The following PCNX1 variants were observed in gnomAD, a reference collection of about 807,000 sequenced individuals.
PCNX1 encodes the protein pecanex 1.
PCNX1 carries 78 observed loss-of-function variants against 242.2 expected under a neutral mutation model. The ratio of observed to expected loss-of-function variants is 0.32; its 90% confidence interval spans 0.27 to 0.39. PCNX1 has a LOEUF of 0.39. PCNX1 is among the 10% of genes least tolerant of loss of function. PCNX1 has a pLI of 1.00. For missense variants in PCNX1, 2,581 were observed against 2,856.5 expected, an observed-to-expected ratio of 0.90 and a Z score of 2.20; for synonymous variants, 1,024 against 1,032.9, an observed-to-expected ratio of 0.99 and a Z score of 0.17.
At position 71,051,887 on chromosome 14, in the gene PCNX1, A is replaced by G; in HGVS notation, c.4452A>G (p.Ser1484=). Residue 1484 remains serine, a synonymous_variant, in exon 24 of 36, where the codon TCA becomes TCG. Coordinates refer to ENST00000304743, the MANE Select transcript of PCNX1 (RefSeq NM_014982.3). ...AFAQPFAVPH[S]AMLFIQAAVS... The stretch of plus-strand genomic sequence containing the variant: ...CCTTAACTAGTTTTCCCATAGATTC[A>G]GCCATGCTGTTTATTCAGGCTGCTG... 4.3e-6 allele frequency: 7 copies of G among 1,611,770 alleles called. No homozygotes were observed. The highest frequency in any genetic ancestry group is 5.9e-6 in the Non-Finnish European group (7 of 1,179,258).
At chr14:71,067,248 C>G (rs1346783604) in intron 26 of PCNX1, among the ~76,000 whole-genome samples, 1 of 151,874 alleles carries the variant, frequency 6.6e-6, no homozygotes, top group Non-Finnish European at 1.5e-5. Context: ...GTCCTGGACT[C>G]TCTTTGGTTG....
chr14:70,994,833 G>A (rs1368728446), intron 7 of PCNX1, among the ~76,000 whole-genome samples: 5 of 151,510 alleles, frequency 3.3e-5, no homozygotes, highest in South Asian at 2.1e-4. Context: ...AGTTAATATA[G>A]TCTCTTAATT....
At chr14:70,927,434 C>T (rs2056632322) in intron 1 of PCNX1, among the ~76,000 whole-genome samples, 1 of 152,034 alleles carries the variant, frequency 6.6e-6, no homozygotes, top group Non-Finnish European at 1.5e-5. Flanking sequence ...ATACAGCATG[C>T]AATAGTATCA....
In PCNX1 at chr14:70,907,918, A is replaced by G. The variant is rs1432239467; in HGVS notation, c.68A>G (p.Tyr23Cys). The change falls in exon 1 of 36, where the codon TAC becomes TGC. Residue 23 changes from tyrosine to cysteine, a missense_variant. By Grantham distance (194) the Tyr-to-Cys change is radical (BLOSUM62 -2). Coordinates refer to ENST00000304743, the MANE Select transcript of PCNX1 (RefSeq NM_014982.3). ...VWAALSGGWY[Y>C]DPHQATFVNA... ...GCCGCGCTCAGCGGGGGCTGGTACTACGACCCGCACCAGGCCACCTTCGTG... is the reference window on the plus strand; with the variant it reads ...GCCGCGCTCAGCGGGGGCTGGTACTGCGACCCGCACCAGGCCACCTTCGTG... 6 of 1,590,480 alleles carry G rather than the reference A, an allele frequency of 3.8e-6. No homozygotes were observed. Among genetic ancestry groups the G allele is most frequent in the South Asian group, 1.1e-5 (1 of 88,400 alleles).
At chr14:70,932,123 A>G (rs1594930078) in intron 1 of PCNX1, among the ~76,000 whole-genome samples, 1 of 152,242 alleles carries the variant, frequency 6.6e-6, no homozygotes, top group Non-Finnish European at 1.5e-5. Context: ...GCAAAACTCC[A>G]TCTCAAAAAC....
At chr14:70,976,886 G>C in intron 5 of PCNX1, 56 bp from the exon 6 acceptor site, 1 of 1,446,968 alleles carries the variant, frequency 6.9e-7, no homozygotes. Flanking sequence ...TTGTTAAACA[G>C]TAGAAAAGCA....
intron 30 of PCNX1, among the ~76,000 whole-genome samples, chr14:71,095,739 C>A (rs1266098209): frequency 1.3e-5 from 2 of 152,092 alleles, no homozygotes; most frequent in African/African-American, 4.8e-5. Flanking sequence ...TACAGAGGCA[C>A]CTCACAGTTT....
intron 1 of PCNX1, among the ~76,000 whole-genome samples, chr14:70,929,380 A>G (rs751214959): frequency 6.7e-6 from 1 of 150,096 alleles, no homozygotes; most frequent in South Asian, 2.2e-4. Flanking sequence ...GAATTATATT[A>G]TCTGACTTAT....
chr14:70,978,696 A>C lies in PCNX1; in HGVS notation c.2311+48A>C, dbSNP rs4391999. 19 of 1,496,160 alleles carry C rather than the reference A, an allele frequency of 1.3e-5. No homozygotes were observed. In the African/African-American group the frequency reaches 2.4e-4, roughly 19 times the overall value. 92.7% of individuals were successfully genotyped at this position (1,496,160 alleles called of 1,614,324 possible). A position where few individuals can be genotyped will look rare whatever the true frequency, so the allele number is the denominator to read the frequency against. On this transcript the variant is annotated intron_variant, in intron 6 of 35. Transcript: ENST00000304743. ...TTTCTGTAAGACTCACTGCTTTTTC[A>C]TACTATTAATTAGAGTAGTACTTAC... is the stretch of plus-strand genomic sequence containing the variant.
At chr14:71,013,798 A>G (rs2059887777) in intron 11 of PCNX1, among the ~76,000 whole-genome samples, 1 of 152,212 alleles carries the variant, frequency 6.6e-6, no homozygotes, top group African/African-American at 2.4e-5. Flanking sequence ...ATGCTTTGAG[A>G]GAGTTTCTAG....
chr14:70,936,681 G>C (rs1353880163), intron 1 of PCNX1, among the ~76,000 whole-genome samples: 11 of 152,200 alleles, frequency 7.2e-5, no homozygotes, highest in African/African-American at 2.7e-4. Context: ...GGTATCTCTA[G>C]TTCTAGATCC....
At position 71,076,415 on chromosome 14, in the gene PCNX1, C is replaced by T; in HGVS notation, c.5333C>T (p.Ala1778Val). The part of the protein sequence containing the change: ...NWIEYCSSRR[A>V]KPVDVDKDSS... Reference sequence around the variant, plus strand: ...ATAGAGTACTGCTCTTCCCGAAGAGCAAAGGTAGAGTTTATTTCATTTATA... The same window carrying T: ...ATAGAGTACTGCTCTTCCCGAAGAGTAAAGGTAGAGTTTATTTCATTTATA... Residue 1778 changes from alanine (A) to valine (V), a missense_variant, in exon 28 of 36, where the codon GCA becomes GTA. This residue lies in a region of PCNX1 where 298 missense variants were observed against 480.1 expected (regional missense o/e 0.62). Transcript: ENST00000304743. The T allele has an allele frequency of 1.3e-6, 2 of 1,580,748 alleles. No individual in the cohort carries two copies. Among genetic ancestry groups the T allele is most frequent in the Non-Finnish European group, 1.7e-6 (2 of 1,150,274 alleles).
At chr14:71,039,848 C>G (rs1206153357) in intron 19 of PCNX1, among the ~76,000 whole-genome samples, 1 of 152,182 alleles carries the variant, frequency 6.6e-6, no homozygotes, top group East Asian at 1.9e-4. Flanking sequence ...TCCTTAAGTA[C>G]AGCTCATCAA....
chr14:71,067,389 A>T lies in PCNX1; in HGVS notation c.4853-6156A>T, dbSNP rs1336079870. ...TATCTATTTTTTTTCTAGACTTTCT[A>T]GTTTATTTGCATAGGGGTGTTTATA... On this transcript the variant is annotated intron_variant, in intron 26 of 35. Coordinates refer to ENST00000304743, the MANE Select transcript of PCNX1 (RefSeq NM_014982.3). Among the ~76,000 whole-genome samples, 6 of 152,172 alleles carry T rather than the reference A, an allele frequency of 3.9e-5. No homozygotes were observed. In the East Asian group the frequency reaches 1.2e-3, roughly 29 times the overall value.
At chr14:70,976,372 C>CTTTTTTTT (rs869087088) in intron 5 of PCNX1, among the ~76,000 whole-genome samples, 10 of 82,666 alleles carry the variant, frequency 1.2e-4, no homozygotes, top group Non-Finnish European at 2.3e-4. Context: ...TTCTTTCTTT[C>CTTTTTTTT]TTTTTTTTTT....
intron 1 of PCNX1, among the ~76,000 whole-genome samples, chr14:70,937,931 T>TG (rs2057077661): frequency 6.6e-6 from 1 of 152,086 alleles, no homozygotes; most frequent in Admixed American, 6.5e-5. Context: ...TTTGGCTCTC[T>TG]GTCTGTTATT....
intron 8 of PCNX1, 84 bp from the exon 9 acceptor site, chr14:71,009,550 T>C: frequency 4.1e-6 from 3 of 734,668 alleles, no homozygotes; most frequent in Non-Finnish European, 6.3e-6. Flanking sequence ...TCTTAAGATG[T>C]AGAAACTTAC....
intron 16 of PCNX1, among the ~76,000 whole-genome samples, chr14:71,031,351 C>T (rs569113882): frequency 1.4e-4 from 21 of 152,294 alleles, no homozygotes; most frequent in Non-Finnish European, 2.4e-4. Flanking sequence ...GACAGGTGTG[C>T]AGGTACAAGG....
At chr14:70,998,216 C>CA in intron 8 of PCNX1, among the ~76,000 whole-genome samples, 1 of 152,074 alleles carries the variant, frequency 6.6e-6, no homozygotes, top group Non-Finnish European at 1.5e-5. Flanking sequence ...TTTGTGGTGT[C>CA]ACAATAGGTA....
Sources: allele counts gnomAD v4.1 joint callset (sites outside exome capture counted in the v4.1 genomes callset), GRCh38; gene constraint gnomAD v4.1.1; regional missense constraint gnomAD v4.1.1; transcripts MANE v1.5; gene names NCBI Gene and HGNC (gene_info 2026-07-23, HGNC 2026-07-21).